Variants in OGDH observed in about 807,000 individuals in gnomAD.
OGDH encodes the protein 2-oxoglutarate dehydrogenase complex component E1.
Under a neutral mutation model 116.6 loss-of-function variants are expected in OGDH, and 38 were observed. That is an observed-to-expected ratio of 0.33 (90% confidence interval 0.25 to 0.43). The LOEUF is 0.43. OGDH is among the 20% of genes least tolerant of loss of function. OGDH has a pLI of 1.00. For synonymous variants in OGDH, 488 were observed against 533.3 expected, an observed-to-expected ratio of 0.92 and a Z score of 1.17; for missense variants, 825 against 1,357.2, an observed-to-expected ratio of 0.61 and a Z score of 6.16.
intron 10 of OGDH, among the ~76,000 whole-genome samples, chr7:44,684,083 C>T (rs1161770428): frequency 6.6e-6 from 1 of 152,124 alleles, no homozygotes; most frequent in Non-Finnish European, 1.5e-5. Context: ...ATGGAAACTT[C>T]AAGGTCAGGT....
At chr7:44,606,923 G>T (rs914447758) in intron 1 of OGDH, among the ~76,000 whole-genome samples, 1 of 152,034 alleles carries the variant, frequency 6.6e-6, no homozygotes, top group East Asian at 1.9e-4. Flanking sequence ...GAGGTCGCGC[G>T]GGGCGCGGAG....
At chr7:44,609,339 CAAA>C (rs1185554089) in intron 1 of OGDH, among the ~76,000 whole-genome samples, 7 of 81,574 alleles carry the variant, frequency 8.6e-5, no homozygotes, top group Non-Finnish European at 1.1e-4. Flanking sequence ...CTCGTCTCTA[CAAA>C]AAAAAAAAAA....
At position 44,707,369 on chromosome 7, in the gene OGDH, C is replaced by T. The variant is rs182194711; in HGVS notation, c.2777C>T (p.Ala926Val). Residue 926 changes from alanine to valine, a missense_variant, in exon 21 of 23, where the codon GCC becomes GTC. By Grantham distance (64) the Ala-to-Val change is moderately conservative (BLOSUM62 0). Around this residue, in one of 7 missense-constraint regions of OGDH, gnomAD observed 212 missense variants for 284.3 expected, o/e 0.75. Coordinates refer to ENST00000222673, the MANE Select transcript of OGDH (RefSeq NM_002541.4). This position sits in a 1 kb window ranked among gnomAD's most constrained non-coding sequence, Gnocchi z 5.2. ...GCACGCGACATGGTGGGGCAGGTGG[C>T]CATCACAAGGATTGAGCAGGTGAGG... Reference protein sequence around the residue: ...RKARDMVGQVAITRIEQLSPF... With the variant: ...RKARDMVGQVVITRIEQLSPF... 1 of 1,614,206 alleles carries T rather than the reference C, an allele frequency of 6.2e-7. No homozygotes were observed. Among genetic ancestry groups the T allele is most frequent in the African/African-American group, 1.3e-5 (1 of 75,078 alleles).
intron 14 of OGDH, 100 bp from the exon 15 acceptor site, chr7:44,696,814 G>A (rs1320422757): frequency 2.8e-5 from 40 of 1,405,780 alleles, no homozygotes; most frequent in South Asian, 7.3e-5. Flanking sequence ...CAGAAACTAC[G>A]AGTAAAGAAG....
Position 44,707,808 on chromosome 7 carries a change from A to T in OGDH, c.2952-71A>T. 6.2e-7 allele frequency: 1 copy of T among 1,610,038 alleles called. No individual in the cohort carries two copies. Among genetic ancestry groups the T allele is most frequent in the Non-Finnish European group, 8.5e-7 (1 of 1,177,644 alleles). ...GGCCAGTAGGCAGTTAGCCAGGCACATGCAGCAGAGGGATGGGCTGGGCCA... is the reference window on the plus strand; with the variant it reads ...GGCCAGTAGGCAGTTAGCCAGGCACTTGCAGCAGAGGGATGGGCTGGGCCA... On this transcript the variant is annotated intron_variant, in intron 22 of 22. Transcript: ENST00000222673. This position sits in a 1 kb window ranked among gnomAD's most constrained non-coding sequence, Gnocchi z 5.2.
chr7:44,666,951 T>C lies in OGDH; in HGVS notation c.633+100T>C, dbSNP rs534655288. The C allele has an allele frequency of 1.3e-4, 93 of 712,022 alleles. No homozygotes were observed. In the South Asian group the frequency reaches 1.8e-3, roughly 14 times the overall value. 44.1% of individuals were successfully genotyped at this position (712,022 alleles called of 1,614,324 possible). A position where few individuals can be genotyped will look rare whatever the true frequency, so the allele number is the denominator to read the frequency against. On this transcript the variant is annotated intron_variant, in intron 5 of 22. Transcript: ENST00000222673. ...TTATTTTTTTTCTTTGTCCTATCTT[T>C]CTATTTTATTTTTTCTCTGAGACAG...
chr7:44,650,288 T>C (rs1286561104), intron 4 of OGDH, among the ~76,000 whole-genome samples: 1 of 152,146 alleles, frequency 6.6e-6, no homozygotes, highest in East Asian at 1.9e-4. Flanking sequence ...CTAGACAGTT[T>C]GTAGAACACT....
chr7:44,620,131 C>T (rs1030300833), intron 1 of OGDH, among the ~76,000 whole-genome samples: 5 of 152,200 alleles, frequency 3.3e-5, no homozygotes, highest in African/African-American at 1.2e-4. Flanking sequence ...AGGGATTCTC[C>T]TGTCTCAGCC....
intron 1 of OGDH, among the ~76,000 whole-genome samples, chr7:44,621,198 G>A (rs1416659834): frequency 3.9e-5 from 6 of 151,938 alleles, no homozygotes; most frequent in African/African-American, 9.7e-5. Context: ...CTCAGCCTCC[G>A]GGGTAGCTGG....
At chr7:44,647,535 G>T (rs1284421018) in intron 3 of OGDH, 122 bp from the exon 4 acceptor site, 1 of 1,546,238 alleles carries the variant, frequency 6.5e-7, no homozygotes, top group Admixed American at 2.0e-5. Context: ...TCAAACGTGG[G>T]TGAGAATTAA....
Position 44,694,088 on chromosome 7 carries a change from A to G in OGDH, c.1515+84A>G, listed in dbSNP as rs1395249483. 1.4e-6 allele frequency: 2 copies of G among 1,439,134 alleles called. No individual in the cohort carries two copies. Among genetic ancestry groups the G allele is most frequent in the East Asian group, 2.4e-5 (1 of 41,274 alleles). The allele number at this position is 1,439,134 out of a possible 1,614,324, so 89.1% of individuals were successfully genotyped here. A position where few individuals can be genotyped will look rare whatever the true frequency, so the allele number is the denominator to read the frequency against. On this transcript the variant is annotated intron_variant, in intron 11 of 22. Coordinates refer to ENST00000222673, the MANE Select transcript of OGDH (RefSeq NM_002541.4). The surrounding 1 kb of genome is among the most constrained non-coding windows in gnomAD (Gnocchi z 4.2). ...CTCGGCACCCCTGTGTCCCAAGGAG[A>G]GGAGCTTGTCTAGATGAGTCACCTC...
At chr7:44,677,174 G>A (rs1435172712) in intron 9 of OGDH, among the ~76,000 whole-genome samples, 3 of 152,084 alleles carry the variant, frequency 2.0e-5, no homozygotes, top group Admixed American at 6.6e-5. Flanking sequence ...TCAAATATTT[G>A]TAATGTCTTA....
rs1786490065 is a variant in OGDH, at chr7:44,652,399, C to T, written c.517+4640C>T. 2.6e-5 allele frequency among the ~76,000 whole-genome samples: 4 copies of T among 152,098 alleles called. No homozygotes were observed. The South Asian group carries it at 6.2e-4, about 24-fold the overall frequency. ...TGCTGGGATTACATGTGTGAGCTACCGCACCTGGCCAGAGATAACTTTTTA... is the reference window on the plus strand; with the variant it reads ...TGCTGGGATTACATGTGTGAGCTACTGCACCTGGCCAGAGATAACTTTTTA... On this transcript the variant is annotated intron_variant, in intron 4 of 22. Transcript: ENST00000222673.
At chr7:44,666,268 T>C (rs2116046311) in intron 4 of OGDH, among the ~76,000 whole-genome samples, 1 of 152,314 alleles carries the variant, frequency 6.6e-6, no homozygotes, top group Middle Eastern at 3.4e-3. Context: ...TTTTTGACAT[T>C]CACCACATAC....
chr7:44,694,724 C>G lies in OGDH; in HGVS notation c.1668+148C>G, dbSNP rs11976239. On this transcript the variant is annotated intron_variant, in intron 12 of 22. Coordinates refer to ENST00000222673, the MANE Select transcript of OGDH (RefSeq NM_002541.4). The surrounding 1 kb of genome is among the most constrained non-coding windows in gnomAD (Gnocchi z 4.2). ...TATTTACAACTACAGCATTTCAATG[C>G]ATAACTTTTTGGAGAATCTGGGCCA... 0.073 allele frequency: 66,577 copies of G among 909,810 alleles called. 9,743 individuals are homozygous for G. The highest frequency in any genetic ancestry group is 0.44 in the African/African-American group (26,093 of 59,190). The allele number at this position is 909,810 out of a possible 1,614,324, so 56.4% of individuals were successfully genotyped here. A position where few individuals can be genotyped will look rare whatever the true frequency, so the allele number is the denominator to read the frequency against.
intron 4 of OGDH, among the ~76,000 whole-genome samples, chr7:44,664,229 G>T (rs1026767319): frequency 2.0e-5 from 3 of 152,182 alleles, no homozygotes; most frequent in African/African-American, 7.2e-5. Flanking sequence ...GCCAGCAGAG[G>T]TGGAAGTCCT....
chr7:44,616,996 G>A (rs1445708366), intron 1 of OGDH, among the ~76,000 whole-genome samples: 9 of 142,728 alleles, frequency 6.3e-5, no homozygotes, highest in Middle Eastern at 3.6e-3. Flanking sequence ...GTGCAGTGGC[G>A]CGATCTCGGC....
chr7:44,671,392 C>T (rs1585330958), intron 5 of OGDH, among the ~76,000 whole-genome samples: 1 of 152,342 alleles, frequency 6.6e-6, no homozygotes, highest in East Asian at 1.9e-4. Flanking sequence ...AACAAAACAT[C>T]TCCCATGTGG....
intron 7 of OGDH, 73 bp from the exon 8 acceptor site, chr7:44,675,105 T>G: frequency 1.7e-6 from 2 of 1,193,194 alleles, no homozygotes; most frequent in Non-Finnish European, 1.2e-6. Context: ...AGGGGGGGAT[T>G]GTAACACCCT....
Sources: allele counts gnomAD v4.1 joint callset (sites outside exome capture counted in the v4.1 genomes callset), GRCh38; gene constraint gnomAD v4.1.1; regional missense constraint gnomAD v4.1.1; non-coding constraint Gnocchi (gnomAD v3.1); transcripts MANE v1.5; gene names NCBI Gene and HGNC (gene_info 2026-07-23, HGNC 2026-07-21).